LIMCH1: variants seen among roughly 807,000 people sequenced by gnomAD.
LIMCH1 encodes the protein LIM and calponin homology domains 1.
LIMCH1 carries 113 observed loss-of-function variants against 176.5 expected under a neutral mutation model. The ratio of observed to expected loss-of-function variants is 0.64; its 90% CI spans 0.55 to 0.75. The LOEUF is 0.75. Ranked by LOEUF, LIMCH1 falls within the 30% of genes least tolerant of loss-of-function variation. LIMCH1 has a pLI of 0.00. For missense variants in LIMCH1, 1,674 were observed against 1,814.9 expected (o/e 0.92, Z 1.41); for synonymous variants, 619 against 645.9 (o/e 0.96, Z 0.63).
At chr4:41,587,685 T>G (rs1272100724) in intron 1 of LIMCH1, among the ~76,000 whole-genome samples, 1 of 147,390 alleles carries the variant, frequency 6.8e-6, no homozygotes, top group Non-Finnish European at 1.5e-5. Context: ...ACATCTGGAT[T>G]TCTCTCACTT....
intron 2 of LIMCH1, among the ~76,000 whole-genome samples, chr4:41,498,092 G>A (rs968463495): frequency 6.6e-5 from 10 of 152,166 alleles, no homozygotes; most frequent in African/African-American, 2.4e-4. Context: ...GGGCTAAGAA[G>A]GCAGCGTCAA....
At chr4:41,537,661 T>C (rs529489818), upstream of LIMCH1, among the ~76,000 whole-genome samples, 1 of 152,274 alleles carries the variant, frequency 6.6e-6, no homozygotes, top group Non-Finnish European at 1.5e-5. Flanking sequence ...ATAAATCCCA[T>C]CTCAGCATTG....
intron 3 of LIMCH1, among the ~76,000 whole-genome samples, chr4:41,525,213 A>G (rs1270856603): frequency 7.9e-5 from 12 of 152,066 alleles, no homozygotes; most frequent in Non-Finnish European, 5.9e-5. Context: ...TTTTGGAAGG[A>G]ATTGGCATAT....
intron 28 of LIMCH1, 79 bp downstream of exon 28, chr4:41,685,909 G>T: frequency 6.8e-7 from 1 of 1,472,130 alleles, no homozygotes; most frequent in East Asian, 2.4e-5. Flanking sequence ...AATGAAAAAT[G>T]TGAGATGGCA....
At chr4:41,624,654 G>T (rs891888918) in intron 7 of LIMCH1, among the ~76,000 whole-genome samples, 1 of 151,986 alleles carries the variant, frequency 6.6e-6, no homozygotes, top group Admixed American at 6.6e-5. Context: ...TTCCCAGGGG[G>T]ACTAACAGGC....
chr4:41,585,421 A>G (rs1160502957), intron 1 of LIMCH1, among the ~76,000 whole-genome samples: 1 of 152,236 alleles, frequency 6.6e-6, no homozygotes, highest in South Asian at 2.1e-4. Context: ...CATTGTATGT[A>G]TAGACCACAT....
chr4:41,666,377 G>T (rs1585590057), intron 20 of LIMCH1, among the ~76,000 whole-genome samples, 184 bp from the exon 21 acceptor site: 1 of 152,218 alleles, frequency 6.6e-6, no homozygotes, highest in Non-Finnish European at 1.5e-5. Flanking sequence ...TTGACGCTCT[G>T]TTAATGTAGA....
In LIMCH1 at chr4:41,692,329, T is replaced by C. The variant is rs750314444; in HGVS notation, c.4323T>C (p.Asp1441=). 6.2e-7 allele frequency: 1 copy of C among 1,613,700 alleles called. No homozygotes were observed. The highest frequency in any genetic ancestry group is 8.5e-7 in the Non-Finnish European group (1 of 1,179,662). The change falls in exon 31 of 32, where the codon GAT becomes GAC. Residue 1441 remains aspartate, a synonymous_variant. Transcript: ENST00000503057. ...GQLGDAVSGT[D]VRIRNGLLNC... ...TTGGAGATGCAGTGAGTGGGACGGA[T>C]GTTAGGATTCGAAATGGTCTCCTGA...
chr4:41,680,855 A>G lies in LIMCH1; in HGVS notation c.3613-100A>G, dbSNP rs1235311601. The G allele has an allele frequency of 1.4e-5, 9 of 630,894 alleles. No individual in the cohort carries two copies. In the African/African-American group the frequency reaches 1.4e-4, roughly 10 times the overall value. 39.1% of individuals were successfully genotyped at this position (630,894 alleles called of 1,614,324 possible). ...TTTAAAATGCCCTGCTTGTTCGAAC[A>G]TATTCTGATTTTTTTCTAAAGTGCC... is the stretch of plus-strand genomic sequence containing the variant. On this transcript the variant is annotated intron_variant, in intron 24 of 31. Coordinates refer to ENST00000503057, the MANE Select transcript of LIMCH1 (RefSeq NM_001330672.2).
intron 1 of LIMCH1, among the ~76,000 whole-genome samples, chr4:41,370,532 G>GT (rs775513415): frequency 2.0e-5 from 3 of 152,152 alleles, no homozygotes; most frequent in Non-Finnish European, 4.4e-5. Flanking sequence ...TAAAAAAAAA[G>GT]TTGCCTGTGG....
chr4:41,586,932 T>C (rs1292529421), intron 1 of LIMCH1, among the ~76,000 whole-genome samples: 4 of 152,136 alleles, frequency 2.6e-5, no homozygotes, highest in Non-Finnish European at 5.9e-5. Context: ...AACTGTGCTA[T>C]GAGGAAAAAA....
chr4:41,512,831 A>T (rs1488051433), intron 2 of LIMCH1, among the ~76,000 whole-genome samples: 1 of 152,182 alleles, frequency 6.6e-6, no homozygotes, highest in Non-Finnish European at 1.5e-5. Flanking sequence ...GTTTGTAGTG[A>T]TGGTTGCATA....
At chr4:41,636,118 C>A (rs2093575284) in intron 13 of LIMCH1, among the ~76,000 whole-genome samples, 3 of 151,890 alleles carry the variant, frequency 2.0e-5, no homozygotes, top group African/African-American at 7.3e-5. Flanking sequence ...ACTATGTTGC[C>A]CAGGCTGGTC....
At chr4:41,566,680 A>G (rs566061217) in intron 1 of LIMCH1, among the ~76,000 whole-genome samples, 57 of 152,364 alleles carry the variant, frequency 3.7e-4, no homozygotes, top group African/African-American at 1.3e-3. Flanking sequence ...CATTCTACAC[A>G]AAATCATTAT....
intron 1 of LIMCH1, among the ~76,000 whole-genome samples, chr4:41,417,274 A>C (rs1357216397): frequency 1.3e-5 from 2 of 152,140 alleles, no homozygotes; most frequent in East Asian, 3.9e-4. Context: ...TGCATGCACC[A>C]GGCCCTGTTC....
intron 1 of LIMCH1, among the ~76,000 whole-genome samples, chr4:41,487,870 T>G (rs1183565399): frequency 6.6e-6 from 1 of 151,488 alleles, no homozygotes; most frequent in Non-Finnish European, 1.5e-5. Context: ...GCCAGGATGG[T>G]CTCAATCTCC....
At chr4:41,473,344 G>A (rs182297785) in intron 1 of LIMCH1, 298 of 217,206 alleles carry the variant, frequency 1.4e-3, no homozygotes, top group Non-Finnish European at 1.9e-3. Context: ...CCAGGCAGCA[G>A]GCAGCAATTT....
At chr4:41,416,014 CTG>C (rs1256864774) in intron 1 of LIMCH1, among the ~76,000 whole-genome samples, 1 of 151,566 alleles carries the variant, frequency 6.6e-6, no homozygotes, top group Non-Finnish European at 1.5e-5. Context: ...ACCGATTAAA[CTG>C]TGAGTTCTTT....
chr4:41,696,947 C>T (rs1010937061), intron 31 of LIMCH1, among the ~76,000 whole-genome samples: 1 of 152,114 alleles, frequency 6.6e-6, no homozygotes, highest in Admixed American at 6.6e-5. Flanking sequence ...GTCTGGAATG[C>T]GGCTTAAGAG....
Sources: allele counts gnomAD v4.1 joint callset (sites outside exome capture counted in the v4.1 genomes callset), GRCh38; gene constraint gnomAD v4.1.1; transcripts MANE v1.5; gene names NCBI Gene and HGNC (gene_info 2026-07-23, HGNC 2026-07-21).